The following RPF1 variants were observed in gnomAD, a reference collection of about 807,000 sequenced individuals.
RPF1 encodes ribosome production factor 1 homolog, also known as ribosome production factor 1.
A neutral mutation model predicts 41.9 loss-of-function variants in RPF1; 34 were observed. The observed-to-expected ratio is 0.81, with a 90% CI of 0.62 to 1.08. The LOEUF is 1.08. RPF1 is among the 50% of genes least tolerant of loss of function. The pLI is 0.00. For missense variants in RPF1, 425 were observed against 435.2 expected (o/e 0.98, Z 0.21); for synonymous variants, 140 against 148.9 (o/e 0.94, Z 0.43).
At chr1:84,496,597 G>C (rs1681939672) in intron 8 of RPF1, among the ~76,000 whole-genome samples, 1 of 151,804 alleles carries the variant, frequency 6.6e-6, no homozygotes, top group African/African-American at 2.4e-5. Flanking sequence ...TACAATATCT[G>C]GGTCTGGTGA....
At chr1:84,482,567 G>A (rs1414407845) in intron 2 of RPF1, among the ~76,000 whole-genome samples, 1 of 151,922 alleles carries the variant, frequency 6.6e-6, no homozygotes, top group South Asian at 2.1e-4. Flanking sequence ...TACGGATGTC[G>A]CTTTGTTATT....
At chr1:84,491,259 C>T (rs905290802) in intron 5 of RPF1, among the ~76,000 whole-genome samples, 1 of 152,030 alleles carries the variant, frequency 6.6e-6, no homozygotes, top group Non-Finnish European at 1.5e-5. Flanking sequence ...GCTATGAGTT[C>T]AGTAACCTTA....
chr1:84,479,613 C>T, intron 1 of RPF1, 104 bp downstream of exon 1: 3 of 1,092,360 alleles, frequency 2.7e-6, no homozygotes, highest in South Asian at 3.1e-5. Context: ...CAAAAGTGTT[C>T]TCTGTGGCTC....
chr1:84,497,292 T>G, intron 8 of RPF1, 137 bp from the exon 9 acceptor site: 1 of 624,650 alleles, frequency 1.6e-6, no homozygotes, highest in Non-Finnish European at 2.9e-6. Flanking sequence ...CTATTCGGGG[T>G]CTCGCACAAA....
Position 84,490,426 on chromosome 1 carries a change from A to G in RPF1, c.570A>G (p.Arg190=). The G allele has an allele frequency of 1.2e-6, 2 of 1,610,334 alleles. No individual in the cohort carries two copies. The highest frequency in any genetic ancestry group is 1.7e-6 in the Non-Finnish European group (2 of 1,178,590). ...AAATTATTCCACAGTGCATCGCAAG[A>G]GATTTCACAGACCTGATTGTTATTA... is the stretch of plus-strand genomic sequence containing the variant. ...LKKIIPQCIA[R]DFTDLIVINE... The change falls in exon 5 of 9, where the codon AGA becomes AGG. Residue 190 remains arginine (R), a synonymous_variant. Coordinates refer to ENST00000370654, the MANE Select transcript of RPF1 (RefSeq NM_025065.7).
chr1:84,498,028 TG>T lies in RPF1; in HGVS notation c.*562del. The stretch of plus-strand genomic sequence containing the variant: ...TTTTTGGTTTTTTGTGCCCACGTTG[TG>T]GGGAGCTCTTTTTTACCTCATTACA... On this transcript the variant is annotated 3_prime_UTR_variant, in exon 9 of 9. Transcript: ENST00000370654. Among the ~76,000 whole-genome samples, 1 of 152,322 alleles carries T rather than the reference TG, an allele frequency of 6.6e-6. No homozygotes were observed. Among genetic ancestry groups the T allele is most frequent in the Non-Finnish European group, 1.5e-5 (1 of 68,008 alleles).
intron 6 of RPF1, 78 bp downstream of exon 6, chr1:84,495,533 G>T: frequency 1.5e-6 from 1 of 680,096 alleles, no homozygotes. Context: ...GTATCTTATA[G>T]CTCTAATTTA....
At chr1:84,491,163 C>A (rs1681828402) in intron 5 of RPF1, among the ~76,000 whole-genome samples, 1 of 152,114 alleles carries the variant, frequency 6.6e-6, no homozygotes. Flanking sequence ...CAAGGTATTT[C>A]TTCCTGTTGA....
At chr1:84,494,440 G>A (rs1681892057) in intron 5 of RPF1, among the ~76,000 whole-genome samples, 2 of 152,178 alleles carry the variant, frequency 1.3e-5, no homozygotes, top group African/African-American at 4.8e-5. Flanking sequence ...GCCTATTTAA[G>A]TTGTTGAATC....
chr1:84,491,624 T>A (rs954612106), intron 5 of RPF1, among the ~76,000 whole-genome samples: 3 of 152,188 alleles, frequency 2.0e-5, no homozygotes, highest in African/African-American at 7.2e-5. Context: ...CAGAAAAAAA[T>A]TATTTTTAAG....
rs180822085 is a variant in RPF1 at position 84,486,737 on chromosome 1, T to C, written c.367-2896T>C. 2.2e-3 allele frequency among the ~76,000 whole-genome samples: 340 copies of C among 152,234 alleles called. 2 individuals carry two copies. Among genetic ancestry groups the C allele is most frequent in the Non-Finnish European group, 3.9e-3 (264 of 68,012 alleles). On this transcript the variant is annotated intron_variant, in intron 3 of 8. Coordinates refer to ENST00000370654, the MANE Select transcript of RPF1 (RefSeq NM_025065.7). ...AATCCAGGAAAGAAATGATGGGCTT[T>C]CATCATGACCTGGGCCAGGGTAGTT...
intron 3 of RPF1, chr1:84,483,371 A>G (rs748256335): frequency 1.7e-5 from 3 of 172,284 alleles, no homozygotes; most frequent in Non-Finnish European, 3.7e-5. Flanking sequence ...GGTTCAAGCA[A>G]TTCTTCTGCC....
chr1:84,479,520 G>C lies in RPF1; in HGVS notation c.228+11G>C. 16 of 1,612,406 alleles carry C rather than the reference G, an allele frequency of 9.9e-6. No individual in the cohort carries two copies. The highest frequency in any genetic ancestry group is 1.3e-5 in the Non-Finnish European group (15 of 1,178,746). Reference sequence around the variant, plus strand: ...CAGCAGCAGCGGAAGGTACGCGAGAGGCGGGGGCTGCCGGGCGCTTGCGCG... The same window carrying C: ...CAGCAGCAGCGGAAGGTACGCGAGACGCGGGGGCTGCCGGGCGCTTGCGCG... On this transcript the variant is annotated intron_variant, in intron 1 of 8. Coordinates refer to ENST00000370654, the MANE Select transcript of RPF1 (RefSeq NM_025065.7).
chr1:84,494,216 T>G (rs1292302121), intron 5 of RPF1, among the ~76,000 whole-genome samples: 1 of 152,198 alleles, frequency 6.6e-6, no homozygotes, highest in Non-Finnish European at 1.5e-5. Flanking sequence ...TGGAAAATCT[T>G]GAGGACCTCA....
intron 3 of RPF1, among the ~76,000 whole-genome samples, chr1:84,483,518 T>G (rs907852234): frequency 2.0e-5 from 3 of 152,150 alleles, no homozygotes; most frequent in African/African-American, 7.2e-5. Flanking sequence ...CCGCCCGCTT[T>G]GGCCTCCAAA....
At position 84,489,703 on chromosome 1, in the gene RPF1, T is replaced by A. The variant is rs752734404; in HGVS notation, c.437T>A (p.Ile146Asn). 5.0e-6 allele frequency: 8 copies of A among 1,599,324 alleles called. No individual in the cohort carries two copies. In the South Asian group the frequency reaches 7.7e-5, roughly 15 times the overall value. The part of the protein sequence containing the change: ...FNKQTSPKIL[I>N]TTSDRPHGRT... ...AAACAGACTTCTCCCAAGATTCTCA[T>A]CACAACATCAGATAGACCTCATGGG... The change falls in exon 4 of 9, where the codon ATC becomes AAC. Residue 146 changes from isoleucine (I) to asparagine (N), a missense_variant. Physicochemically the swap from Ile to Asn is moderately radical, Grantham distance 149. Transcript: ENST00000370654.
rs1472641426 is a variant in RPF1, at chr1:84,480,987, A to C, written c.260A>C (p.Lys87Thr). The change falls in exon 2 of 9, where the codon AAA becomes ACA. Residue 87 changes from lysine to threonine, a missense_variant. Physicochemically the swap from Lys to Thr is moderately conservative, Grantham distance 78. Coordinates refer to ENST00000370654, the MANE Select transcript of RPF1 (RefSeq NM_025065.7). ...TTGGCAGCTAAGAAAAAACTTAAAA[A>C]AGAAAGAGAGGCTCTTGGCGATAAG... ...EKLAAKKKLK[K>T]EREALGDKAP... The C allele has an allele frequency of 6.3e-7, 1 of 1,596,646 alleles. No homozygotes were observed. The highest frequency in any genetic ancestry group is 8.6e-7 in the Non-Finnish European group (1 of 1,167,054).
chr1:84,483,794 G>A (rs528889558), intron 3 of RPF1, among the ~76,000 whole-genome samples: 13 of 152,266 alleles, frequency 8.5e-5, no homozygotes, highest in African/African-American at 2.2e-4. Flanking sequence ...ATTTGGTTTC[G>A]AATGTCTGTT....
chr1:84,489,966 G>A (rs1681803081), intron 4 of RPF1, among the ~76,000 whole-genome samples: 1 of 152,140 alleles, frequency 6.6e-6, no homozygotes, highest in Non-Finnish European at 1.5e-5. Flanking sequence ...TTGTTATGGT[G>A]AGCTATCCTG....
Sources: allele counts gnomAD v4.1 joint callset (sites outside exome capture counted in the v4.1 genomes callset), GRCh38; gene constraint gnomAD v4.1.1; transcripts MANE v1.5; gene names NCBI Gene and HGNC (gene_info 2026-07-23, HGNC 2026-07-21).